Variants in TARM1 observed in about 807,000 individuals in gnomAD.
The protein encoded by TARM1 is T cell-interacting, activating receptor on myeloid cells 1.
TARM1 carries 24 observed loss-of-function variants against 30.4 expected under a neutral mutation model. The observed-to-expected ratio is 0.79, with a 90% confidence interval of 0.57 to 1.11. The LOEUF (loss-of-function observed/expected upper bound fraction) is 1.11. TARM1 is among the 50% of genes least tolerant of loss of function. The probability of loss-of-function intolerance (pLI) is 0.00; values close to 1 mark genes in which losing one functional copy is unlikely to be tolerated. For missense variants in TARM1, 323 were observed against 332.8 expected (o/e 0.97, Z 0.23); for synonymous variants, 129 against 138.9 (o/e 0.93, Z 0.50).
intron 4 of TARM1, among the ~76,000 whole-genome samples, chr19:54,073,048 CT>C (rs2071850021): frequency 6.6e-6 from 1 of 151,988 alleles, no homozygotes; most frequent in South Asian, 2.1e-4. Context: ...TAGAAGGAAT[CT>C]GGTGCTGGTA....
intron 4 of TARM1, among the ~76,000 whole-genome samples, chr19:54,070,670 T>C (rs2071789841): frequency 6.6e-6 from 1 of 152,040 alleles, no homozygotes; most frequent in Non-Finnish European, 1.5e-5. Flanking sequence ...TGGAGTGTAA[T>C]GGCACAATCT....
At chr19:54,075,523 G>A (rs762656720) in intron 2 of TARM1, among the ~76,000 whole-genome samples, 16 of 151,328 alleles carry the variant, frequency 1.1e-4, no homozygotes, top group South Asian at 2.1e-4. Flanking sequence ...GGCTGGGTGC[G>A]GTGGCTCACG....
intron 1 of TARM1, among the ~76,000 whole-genome samples, chr19:54,081,049 G>C (rs1231304172): frequency 6.6e-6 from 1 of 152,128 alleles, no homozygotes. Flanking sequence ...AGTCAGAGTT[G>C]ATCCTGAGAA....
At chr19:54,075,986 T>G (rs2071941545) in intron 1 of TARM1, 68 bp from the exon 2 acceptor site, 11 of 1,533,950 alleles carry the variant, frequency 7.2e-6, no homozygotes, top group African/African-American at 1.4e-5. Flanking sequence ...CCCTGACCCC[T>G]GGAGATCGTC....
chr19:54,073,372 G>C (rs2071858911), intron 4 of TARM1, among the ~76,000 whole-genome samples: 1 of 112,186 alleles, frequency 8.9e-6, no homozygotes, highest in Non-Finnish European at 1.6e-5. Context: ...TCGCGCCATT[G>C]CACTCCATCC....
chr19:54,080,145 AAGCAAGCAAGCAAGCAAGCAAGC>A lies in TARM1; in HGVS notation c.34+1139_34+1161del, dbSNP rs2072078714. 3.5e-4 allele frequency among the ~76,000 whole-genome samples: 31 copies of A among 89,554 alleles called. 7 individuals are homozygous for A. The highest frequency in any genetic ancestry group is 8.8e-4 in the Admixed American group (6 of 6,842). The allele number at this position is 89,554 out of a possible 152,430, so 58.8% of individuals were successfully genotyped here. ...GAAGGAAGGAAGGAAGGAAGAAAGC[AAGCAAGCAAGCAAGCAAGCAAGC>A]AAGCAAGCAAGCAAGCAAGCAAGCA... On this transcript the variant is annotated intron_variant, in intron 1 of 4. Transcript: ENST00000432826.
At position 54,075,755 on chromosome 19, in the gene TARM1, C is replaced by T. The variant is rs1289781802; in HGVS notation, c.70+128G>A. 2.6e-5 allele frequency: 28 copies of T among 1,058,418 alleles called. 1 individual carries two copies. The highest frequency in any genetic ancestry group is 9.6e-5 in the African/African-American group (6 of 62,540). 65.6% of individuals were successfully genotyped at this position (1,058,418 alleles called of 1,614,324 possible). On this transcript the variant is annotated intron_variant, in intron 2 of 4. Coordinates refer to ENST00000432826, the MANE Select transcript of TARM1 (RefSeq NM_001135686.3). ...TTGCTGTAAGCCGAGATTGCACCAC[C>T]GCACTCCAGCCTGGCGAAAGAGTGA... is the stretch of plus-strand genomic sequence containing the variant.
intron 1 of TARM1, chr19:54,076,454 C>G: frequency 4.4e-6 from 2 of 449,948 alleles, no homozygotes; most frequent in South Asian, 2.8e-5. Flanking sequence ...CCTCCGCCTC[C>G]CGGGTTCAAG....
chr19:54,075,918 C>T lies in TARM1; in HGVS notation c.35G>A (p.Arg12Lys), dbSNP rs1212331452. ...IPKLLSLLCF[R>K]LCVGQGDTRG... is the part of the protein sequence containing the mutation. ...TGTGTCTCCTTGGCCCACGCACAGT[C>T]CTGCAAGACAATCCTCCGTGAGCCA... The change falls in exon 2 of 5, where the codon AGA becomes AAA. Residue 12 changes from arginine to lysine, a missense_variant and splice_region_variant. Physicochemically the swap from Arg to Lys is conservative, Grantham distance 26 (BLOSUM62 2). Coordinates refer to ENST00000432826, the MANE Select transcript of TARM1 (RefSeq NM_001135686.3). The T allele has an allele frequency of 2.1e-5, 32 of 1,551,230 alleles. No homozygotes were observed. The highest frequency in any genetic ancestry group is 2.8e-5 in the Non-Finnish European group (32 of 1,146,980).
chr19:54,080,486 GGA>G (rs1312321649), intron 1 of TARM1, among the ~76,000 whole-genome samples: 1,876 of 91,934 alleles, frequency 0.02, 14 homozygotes, highest in South Asian at 0.054. Context: ...GAGAGAGAGA[GGA>G]AGGAAGGGAG....
chr19:54,074,388 A>G (rs2071892216), intron 3 of TARM1, among the ~76,000 whole-genome samples, 172 bp from the exon 4 acceptor site: 1 of 152,140 alleles, frequency 6.6e-6, no homozygotes, highest in Non-Finnish European at 1.5e-5. Context: ...TCCCTCCTAC[A>G]AGACCTGTGT....
intron 1 of TARM1, chr19:54,076,123 A>G: frequency 6.8e-7 from 1 of 1,476,402 alleles, no homozygotes; most frequent in Non-Finnish European, 8.9e-7. Context: ...ATTCTCCTTG[A>G]CCATCCTGTG....
In TARM1 at chr19:54,074,171, A is replaced by T; in HGVS notation, c.407T>A (p.Val136Glu). The T allele has an allele frequency of 6.4e-7, 1 of 1,551,670 alleles. No individual in the cohort carries two copies. The highest frequency in any genetic ancestry group is 8.7e-7 in the Non-Finnish European group (1 of 1,146,976). The change falls in exon 4 of 5, where the codon GTG becomes GAG. Residue 136 changes from valine (V) to glutamate (E), a missense_variant. Val to Glu is a moderately radical substitution (Grantham distance 121, BLOSUM62 -2). Coordinates refer to ENST00000432826, the MANE Select transcript of TARM1 (RefSeq NM_001135686.3). ...CAGAGTCACCCTTCCACCTGCGGTC[A>T]CTGTACCCCTTTGGTAGGTTCGGAG... ...PFLRTYQRGTVTAGGRVTLQC... is the reference protein window; with the variant it reads ...PFLRTYQRGTETAGGRVTLQC...
chr19:54,078,699 C>T (rs948035283), intron 1 of TARM1, among the ~76,000 whole-genome samples: 1 of 146,474 alleles, frequency 6.8e-6, no homozygotes. Flanking sequence ...GACAGGGTTT[C>T]ACCATGTTGC....
chr19:54,076,342 CTT>C, intron 1 of TARM1: 3 of 832,390 alleles, frequency 3.6e-6, no homozygotes, highest in Non-Finnish European at 5.4e-6. Flanking sequence ...TTCTTTCTTT[CTT>C]TCTTTCATTC....
At position 54,077,386 on chromosome 19, in the gene TARM1, A is replaced by G. The variant is rs587679023; in HGVS notation, c.35-1468T>C. On this transcript the variant is annotated intron_variant, in intron 1 of 4. Transcript: ENST00000432826. ...AGCGCGAGACTCAGTTTCAGGAAAG[A>G]AAAAAAAAAGAGAAAGAAAAGAAAA... 4.3e-3 allele frequency among the ~76,000 whole-genome samples: 635 copies of G among 148,618 alleles called. 5 individuals are homozygous for G. The highest frequency in any genetic ancestry group is 0.01 in the Middle Eastern group (3 of 290).
In TARM1 at chr19:54,081,322, A is replaced by G; in HGVS notation, c.19T>C (p.Ser7Pro). 11 of 1,546,312 alleles carry G rather than the reference A, an allele frequency of 7.1e-6. No individual in the cohort carries two copies. Among genetic ancestry groups the G allele is most frequent in the Non-Finnish European group, 9.6e-6 (11 of 1,145,068 alleles). The part of the protein sequence containing the change: MIPKLL[S>P]LLCFRLCVGQ... ...TGAGACTTACTGAAACAGAGGAGGGAAAGCAGCTTAGGGATCATGATGGCT... is the reference window on the plus strand; with the variant it reads ...TGAGACTTACTGAAACAGAGGAGGGGAAGCAGCTTAGGGATCATGATGGCT... Residue 7 changes from serine (S) to proline (P), a missense_variant, in exon 1 of 5, where the codon TCC becomes CCC. Physicochemically the swap from Ser to Pro is moderately conservative, Grantham distance 74 (BLOSUM62 -1). Coordinates refer to ENST00000432826, the MANE Select transcript of TARM1 (RefSeq NM_001135686.3).
At chr19:54,079,953 G>A (rs2072053939) in intron 1 of TARM1, among the ~76,000 whole-genome samples, 1 of 148,188 alleles carries the variant, frequency 6.7e-6, no homozygotes, top group Admixed American at 6.8e-5. Context: ...GCAGTGAGCT[G>A]TGGTCATACC....
intron 1 of TARM1, chr19:54,076,347 T>TTCATTCTTTCTTTCA (rs2071955223): frequency 2.3e-5 from 8 of 350,286 alleles, no homozygotes; most frequent in African/African-American, 8.2e-5. Context: ...TCTTTCTTTC[T>TTCATTCTTTCTTTCA]TTCATTCATT....
Sources: gnomAD v4.1 joint callset for allele counts (sites outside exome capture counted in the v4.1 genomes callset) on GRCh38, gnomAD v4.1.1 for gene constraint, MANE v1.5 for transcripts, NCBI Gene and HGNC (gene_info 2026-07-23, HGNC 2026-07-21) for gene names.